PRKG1: variants seen among roughly 807,000 people sequenced by gnomAD.
PRKG1 encodes the protein protein kinase cGMP-dependent 1, also known as cGMP-dependent protein kinase 1.
In PRKG1, 35 loss-of-function variants were observed where a neutral mutation model predicts 88.1. The observed-to-expected ratio is 0.40, with a 90% confidence interval of 0.30 to 0.53. PRKG1 has a LOEUF of 0.53. Ranked by LOEUF, PRKG1 falls within the 20% of genes least tolerant of loss-of-function variation. The pLI is 0.59. For missense variants in PRKG1, 540 were observed against 839.8 expected, an observed-to-expected ratio of 0.64 and a Z score of 4.41; for synonymous variants, 303 against 292.5, an observed-to-expected ratio of 1.04 and a Z score of -0.37.
intron 7 of PRKG1, among the ~76,000 whole-genome samples, chr10:52,100,562 G>T (rs1847272999): frequency 6.6e-6 from 1 of 152,198 alleles, no homozygotes. Context: ...CAGCCCCTGA[G>T]GATCCCTATT....
chr10:51,979,273 A>G (rs992976679), intron 5 of PRKG1, among the ~76,000 whole-genome samples: 4 of 152,104 alleles, frequency 2.6e-5, no homozygotes, highest in African/African-American at 9.7e-5. Flanking sequence ...TGATTTGCAT[A>G]TGTTGAACCA....
intron 1 of PRKG1, among the ~76,000 whole-genome samples, chr10:51,100,916 G>A (rs1459171368): frequency 6.6e-6 from 1 of 152,186 alleles, no homozygotes; most frequent in Non-Finnish European, 1.5e-5. Context: ...GGGTGATTCT[G>A]AGTCTATTTA....
At chr10:51,444,908 C>T (rs563132032) in intron 2 of PRKG1, among the ~76,000 whole-genome samples, 92 of 151,918 alleles carry the variant, frequency 6.1e-4, no homozygotes, top group African/African-American at 2.0e-3. Context: ...ACTGAGCGGG[C>T]GGAATCTTGG....
At chr10:52,076,841 G>A (rs572976636) in intron 7 of PRKG1, among the ~76,000 whole-genome samples, 40 of 152,260 alleles carry the variant, frequency 2.6e-4, no homozygotes, top group Admixed American at 4.6e-4. Flanking sequence ...TTGTCTCAAC[G>A]TGATTAGTCA....
At chr10:51,640,565 T>A (rs7098348) in intron 3 of PRKG1, among the ~76,000 whole-genome samples, 121,251 of 152,040 alleles carry the variant, frequency 0.8, 49,645 homozygotes, top group South Asian at 0.91. Context: ...CATTTGTCCT[T>A]TTGCAGCTGT....
intron 2 of PRKG1, among the ~76,000 whole-genome samples, chr10:51,275,180 A>G (rs1042803207): frequency 6.6e-6 from 1 of 152,228 alleles, no homozygotes; most frequent in African/African-American, 2.4e-5. Flanking sequence ...CACTTGTCAA[A>G]ATAAAGTCCT....
chr10:52,073,742 A>G (rs1302064104), intron 7 of PRKG1, among the ~76,000 whole-genome samples: 1 of 152,198 alleles, frequency 6.6e-6, no homozygotes, highest in African/African-American at 2.4e-5. Context: ...TAATTAAAAG[A>G]TACCTGTGAT....
At position 52,037,304 on chromosome 10, in the gene PRKG1, G is replaced by A. The variant is rs565575353; in HGVS notation, c.763-17180G>A. Among the ~76,000 whole-genome samples the A allele has an allele frequency of 5.9e-5, 9 of 152,372 alleles. No homozygotes were observed. The East Asian group carries it at 1.5e-3, about 26-fold the overall frequency. On this transcript the variant is annotated intron_variant, in intron 5 of 17. Coordinates refer to ENST00000373980, the MANE Select transcript of PRKG1 (RefSeq NM_006258.4). ...CATTTGGAAGTTCCTGTGTGCTGGA[G>A]ATGTGGCTGGGGTTTGTCTCACAGT...
intron 2 of PRKG1, among the ~76,000 whole-genome samples, chr10:51,270,935 G>A (rs1331695809): frequency 6.6e-6 from 1 of 152,198 alleles, no homozygotes; most frequent in Non-Finnish European, 1.5e-5. Context: ...AAAAAGGAGA[G>A]CACATTCTAA....
rs979421415 is a variant in PRKG1, at chr10:51,024,146, A to G, written c.266+32502A>G. Among the ~76,000 whole-genome samples, 6 of 152,340 alleles carry G rather than the reference A, an allele frequency of 3.9e-5. No individual in the cohort carries two copies. The East Asian group carries it at 9.6e-4, about 24-fold the overall frequency. On this transcript the variant is annotated intron_variant, in intron 1 of 17. Transcript: ENST00000401604. ...ACTTGGTGTTAATTTGCATTTACAC[A>G]TAAAAAGAAGGCTTCTAAATCTAAA...
At chr10:51,683,017 C>T (rs954184157) in intron 3 of PRKG1, among the ~76,000 whole-genome samples, 5 of 152,202 alleles carry the variant, frequency 3.3e-5, no homozygotes, top group Admixed American at 1.3e-4. Context: ...TTTAGGGACA[C>T]TGTTATCTGA....
chr10:52,037,760 G>C (rs1845654862), intron 5 of PRKG1, among the ~76,000 whole-genome samples: 2 of 152,212 alleles, frequency 1.3e-5, no homozygotes, highest in Non-Finnish European at 2.9e-5. Context: ...AAAGATTATA[G>C]GGTGGAGGAG....
At chr10:51,830,560 GTTTTTTTTTTTT>G (rs531412645) in intron 4 of PRKG1, among the ~76,000 whole-genome samples, 1 of 83,636 alleles carries the variant, frequency 1.2e-5, no homozygotes, top group African/African-American at 6.5e-5. Flanking sequence ...TTTTTTTTTT[GTTTTTTTTTTTT>G]TTTTTTTGAG....
At chr10:51,806,447 T>C (rs958838138) in intron 4 of PRKG1, among the ~76,000 whole-genome samples, 8 of 152,198 alleles carry the variant, frequency 5.3e-5, no homozygotes, top group African/African-American at 1.9e-4. Flanking sequence ...TAAAATTGGC[T>C]CTCCAAAGTA....
chr10:51,815,442 T>C (rs1002942229), intron 4 of PRKG1, among the ~76,000 whole-genome samples: 4 of 152,146 alleles, frequency 2.6e-5, no homozygotes, highest in African/African-American at 9.7e-5. Flanking sequence ...CCCAGCAACA[T>C]AGATTTCTCT....
intron 3 of PRKG1, among the ~76,000 whole-genome samples, chr10:51,790,957 A>G (rs1838855508): frequency 6.6e-6 from 1 of 152,162 alleles, no homozygotes; most frequent in African/African-American, 2.4e-5. Context: ...CCTATAATGG[A>G]AAACTTCTTA....
intron 1 of PRKG1, among the ~76,000 whole-genome samples, chr10:51,007,071 T>C (rs1589103199): frequency 6.6e-6 from 1 of 151,988 alleles, no homozygotes; most frequent in East Asian, 1.9e-4. Flanking sequence ...CTGGAGTAGC[T>C]GGGATTACAG....
chr10:51,415,766 C>T (rs1361456251), intron 2 of PRKG1, among the ~76,000 whole-genome samples: 1 of 152,082 alleles, frequency 6.6e-6, no homozygotes, highest in African/African-American at 2.4e-5. Flanking sequence ...AGAAAGACTG[C>T]CCACCGCTTT....
In PRKG1 at chr10:51,257,804, T is replaced by C. The variant is rs554634038; in HGVS notation, c.478+104474T>C. On this transcript the variant is annotated intron_variant, in intron 2 of 17. Transcript: ENST00000373980. Reference sequence around the variant, plus strand: ...GCTGTGATTCTGATGAACTAGGCTCTTCCCTAGAATCAGGGGCAGTGAGCA... The same window carrying C: ...GCTGTGATTCTGATGAACTAGGCTCCTCCCTAGAATCAGGGGCAGTGAGCA... Among the ~76,000 whole-genome samples, 118 of 152,328 alleles carry C rather than the reference T, an allele frequency of 7.7e-4. No homozygotes were observed. In the South Asian group the frequency reaches 0.019, roughly 25 times the overall value.
Sources: gnomAD v4.1 joint callset for allele counts (sites outside exome capture counted in the v4.1 genomes callset) on GRCh38, gnomAD v4.1.1 for gene constraint, MANE v1.5 for transcripts, NCBI Gene and HGNC (gene_info 2026-07-23, HGNC 2026-07-21) for gene names.